CACNA1E: variants seen among roughly 807,000 people sequenced by gnomAD.
The protein encoded by CACNA1E is voltage-dependent R-type calcium channel subunit alpha-1E.
Under a neutral mutation model 259.2 loss-of-function variants are expected in CACNA1E, and 40 were observed. The observed-to-expected ratio is 0.15, with a 90% confidence interval of 0.12 to 0.20. The LOEUF is 0.20. Ranked by LOEUF, CACNA1E falls within the 10% of genes least tolerant of loss-of-function variation. The probability of loss-of-function intolerance (pLI) is 1.00; values close to 1 mark genes in which losing one functional copy is unlikely to be tolerated. For missense variants in CACNA1E, 1,874 were observed against 3,040.1 expected, an observed-to-expected ratio of 0.62 and a Z score of 9.02; for synonymous variants, 1,104 against 1,138.5, an observed-to-expected ratio of 0.97 and a Z score of 0.61.
chr1:181,393,294 C>T (rs1051478802), intron 1 of CACNA1E, among the ~76,000 whole-genome samples: 1 of 152,130 alleles, frequency 6.6e-6, no homozygotes, highest in Non-Finnish European at 1.5e-5. Context: ...AATAATAATA[C>T]CTTCCTTACA....
chr1:181,760,024 A>G (rs1018914302), intron 32 of CACNA1E, among the ~76,000 whole-genome samples: 3 of 152,244 alleles, frequency 2.0e-5, no homozygotes, highest in Non-Finnish European at 4.4e-5. Context: ...AAAAGAAACT[A>G]CTACCAACAA....
chr1:181,750,421 TTTTTG>T, intron 25 of CACNA1E, 50 bp from the exon 26 acceptor site: 1 of 1,569,600 alleles, frequency 6.4e-7, no homozygotes, highest in Non-Finnish European at 8.7e-7. Flanking sequence ...CAACCCCATT[TTTTTG>T]TTTTGTTTTA....
At chr1:181,720,745 A>G (rs1654343859) in intron 14 of CACNA1E, 38 bp from the exon 15 acceptor site, 1 of 1,247,530 alleles carries the variant, frequency 8.0e-7, no homozygotes, top group Non-Finnish European at 1.2e-6. Flanking sequence ...GGTATGTGAG[A>G]TTTTCATTTC....
chr1:181,461,391 A>T (rs1161830261), intron 2 of CACNA1E, among the ~76,000 whole-genome samples: 1 of 151,636 alleles, frequency 6.6e-6, no homozygotes, highest in African/African-American at 2.4e-5. Flanking sequence ...AATACAAAAA[A>T]TTAGCCGGGC....
intron 2 of CACNA1E, among the ~76,000 whole-genome samples, chr1:181,442,135 G>T (rs1451087717): frequency 4.6e-5 from 7 of 152,134 alleles, no homozygotes; most frequent in Non-Finnish European, 1.0e-4. Context: ...AGGAGGATTG[G>T]GTTTAGGGAG....
At chr1:181,341,192 T>TC (rs1489958556) in intron 1 of CACNA1E, among the ~76,000 whole-genome samples, 3 of 152,042 alleles carry the variant, frequency 2.0e-5, no homozygotes, top group Non-Finnish European at 4.4e-5. Flanking sequence ...CAGTCTTCCC[T>TC]CCCCAAAGCC....
intron 18 of CACNA1E, among the ~76,000 whole-genome samples, chr1:181,729,384 A>T (rs1655252142): frequency 6.6e-6 from 1 of 152,222 alleles, no homozygotes; most frequent in Non-Finnish European, 1.5e-5. Flanking sequence ...TCAGGTGTTC[A>T]TGCCCTGCTT....
At chr1:181,358,728 A>T (rs568706717) in intron 1 of CACNA1E, among the ~76,000 whole-genome samples, 15 of 152,284 alleles carry the variant, frequency 9.9e-5, no homozygotes, top group Admixed American at 8.5e-4. Flanking sequence ...ATGAACTATC[A>T]TTCCCCATCA....
intron 7 of CACNA1E, among the ~76,000 whole-genome samples, chr1:181,676,611 ATGAAGCCCTCC>A (rs1428518865): frequency 1.3e-5 from 2 of 152,182 alleles, no homozygotes; most frequent in Non-Finnish European, 2.9e-5. Context: ...CAGCTGAAGC[ATGAAGCCCTCC>A]TTAGTATATA....
At chr1:181,579,020 CA>C in intron 4 of CACNA1E, 51 bp from the exon 5 acceptor site, 1 of 1,468,896 alleles carries the variant, frequency 6.8e-7, no homozygotes, top group Non-Finnish European at 9.2e-7. Flanking sequence ...CCTCCCCTAT[CA>C]GATGGTGCTG....
At chr1:181,672,270 A>G (rs1289077064) in intron 7 of CACNA1E, among the ~76,000 whole-genome samples, 1 of 152,166 alleles carries the variant, frequency 6.6e-6, no homozygotes, top group African/African-American at 2.4e-5. Flanking sequence ...GGAGCAAAAA[A>G]CATAACTATT....
chr1:181,661,913 T>G (rs1451988931), intron 7 of CACNA1E, among the ~76,000 whole-genome samples: 1 of 152,240 alleles, frequency 6.6e-6, no homozygotes, highest in Non-Finnish European at 1.5e-5. Flanking sequence ...CTCCAGATAG[T>G]TTAAATGTCC....
At chr1:181,714,205 C>A (rs955415227) in intron 8 of CACNA1E, among the ~76,000 whole-genome samples, 13 of 152,154 alleles carry the variant, frequency 8.5e-5, no homozygotes, top group African/African-American at 2.7e-4. Flanking sequence ...GTTCCCACAA[C>A]CATCACCCCA....
intron 1 of CACNA1E, among the ~76,000 whole-genome samples, chr1:181,387,732 A>G (rs1220098679): frequency 1.3e-5 from 2 of 152,202 alleles, no homozygotes; most frequent in Non-Finnish European, 2.9e-5. Context: ...CTTGGTTCCT[A>G]CTTGGGGAAC....
chr1:181,335,276 C>G (rs1197884226), intron 1 of CACNA1E, among the ~76,000 whole-genome samples: 1 of 152,214 alleles, frequency 6.6e-6, no homozygotes, highest in Non-Finnish European at 1.5e-5. Flanking sequence ...GAATATTGCC[C>G]TGCCCTTCCT....
chr1:181,767,667 C>G (rs1437889625), intron 35 of CACNA1E, among the ~76,000 whole-genome samples: 2 of 152,206 alleles, frequency 1.3e-5, no homozygotes, highest in African/African-American at 2.4e-5. Flanking sequence ...AACTCTATTA[C>G]TGGAGAATTT....
chr1:181,394,380 C>T (rs1349743295), intron 1 of CACNA1E, among the ~76,000 whole-genome samples: 1 of 152,150 alleles, frequency 6.6e-6, no homozygotes, highest in African/African-American at 2.4e-5. Flanking sequence ...TAATACAGAA[C>T]ATTTTGTGAG....
intron 7 of CACNA1E, among the ~76,000 whole-genome samples, chr1:181,663,437 A>G (rs954051845): frequency 4.6e-5 from 7 of 152,154 alleles, no homozygotes; most frequent in African/African-American, 1.2e-4. Context: ...TCTGTCACCC[A>G]TTAAGTTTTG....
At chr1:181,700,288 A>G (rs1652110219) in intron 7 of CACNA1E, among the ~76,000 whole-genome samples, 1 of 152,196 alleles carries the variant, frequency 6.6e-6, no homozygotes, top group Admixed American at 6.5e-5. Context: ...ACACAGCTTC[A>G]GGACTGACCT....
Sources: allele counts gnomAD v4.1 joint callset (sites outside exome capture counted in the v4.1 genomes callset), GRCh38; gene constraint gnomAD v4.1.1; transcripts MANE v1.5; gene names NCBI Gene and HGNC (gene_info 2026-07-23, HGNC 2026-07-21).